The following KIF2A variants were observed in gnomAD, a reference collection of about 807,000 sequenced individuals.
The protein encoded by KIF2A is kinesin family member 2A.
A neutral mutation model predicts 100.2 loss-of-function variants in KIF2A; 22 were observed. That is an observed-to-expected ratio of 0.22 (90% CI 0.16 to 0.31). The LOEUF (loss-of-function observed/expected upper bound fraction) is 0.31, where lower values mean the gene tolerates loss of function less well. Among genes scored for constraint, KIF2A ranks in the 10% least tolerant of loss-of-function variants. The pLI, the probability that KIF2A is intolerant of heterozygous loss-of-function variation, is 1.00. For missense variants in KIF2A, 495 were observed against 898.7 expected (o/e 0.55, Z 5.74); for synonymous variants, 268 against 285.9 (o/e 0.94, Z 0.63).
chr5:62,348,095 T>G lies in KIF2A; in HGVS notation c.207T>G (p.Asp69Glu). The G allele has an allele frequency of 1.2e-6, 2 of 1,613,776 alleles. No homozygotes were observed. The highest frequency in any genetic ancestry group is 1.7e-6 in the Non-Finnish European group (2 of 1,179,724). The change falls in exon 3 of 21, where the codon GAT (aspartate) becomes GAG (glutamate). Residue 69 changes from aspartate to glutamate, a missense_variant. This residue lies in a region of KIF2A where 115 missense variants were observed against 143.6 expected (regional missense o/e 0.80). Coordinates refer to ENST00000407818, the MANE Select transcript of KIF2A (RefSeq NM_001098511.3). ...IFSLNPDLVP[D>E]EEIEPSPETP... ...CACTTAACCCTGACCTTGTTCCTGA[T>G]GAAGAAATTGAACCCAGTCCAGAAA... is the stretch of plus-strand genomic sequence containing the variant.
In KIF2A at chr5:62,317,052, C is replaced by CT. The variant is rs757855450; in HGVS notation, c.64+10530dup. On this transcript the variant is annotated intron_variant, in intron 1 of 20. Transcript: ENST00000407818. ...TCACATATGTATGGCAACTTTAGCC[C>CT]TTTTTTTTTTTTTTGAATCAAAGTT... Among the ~76,000 whole-genome samples, 394 of 141,782 alleles carry CT rather than the reference C, an allele frequency of 2.8e-3. 1 individual carries two copies. The highest frequency in any genetic ancestry group is 0.011 in the Middle Eastern group (3 of 268). The allele number at this position is 141,782 out of a possible 152,430, so 93.0% of individuals were successfully genotyped here.
In KIF2A at chr5:62,319,720, TA is replaced by T. The variant is rs1746008900; in HGVS notation, c.64+13190del. ...TCTGTCTATTCAAGTTTTGACATTC[TA>T]AAAAATTGACTTGTGTTGTTCATCC... On this transcript the variant is annotated intron_variant, in intron 1 of 20. Transcript: ENST00000407818. Among the ~76,000 whole-genome samples, 6 of 152,326 alleles carry T rather than the reference TA, an allele frequency of 3.9e-5. No individual in the cohort carries two copies. The South Asian group carries it at 1.2e-3, about 32-fold the overall frequency.
At position 62,306,411 on chromosome 5, in the gene KIF2A, C is replaced by T; in HGVS notation, c.-62C>T. Reference sequence around the variant, plus strand: ...CCTCCCACACCTACCCCGCCCCCTCCCCGCCTTTTCCGCCCTCCGGTCCCC... The same window carrying T: ...CCTCCCACACCTACCCCGCCCCCTCTCCGCCTTTTCCGCCCTCCGGTCCCC... On this transcript the variant is annotated 5_prime_UTR_variant, in exon 1 of 21. Transcript: ENST00000407818. The T allele has an allele frequency of 8.1e-7, 1 of 1,227,244 alleles. No homozygotes were observed. The highest frequency in any genetic ancestry group is 1.2e-6 in the Non-Finnish European group (1 of 861,900). The allele number at this position is 1,227,244 out of a possible 1,614,324, so 76.0% of individuals were successfully genotyped here. A position where few individuals can be genotyped will look rare whatever the true frequency, so the allele number is the denominator to read the frequency against.
At chr5:62,368,996 G>A (rs879877370) in intron 16 of KIF2A, among the ~76,000 whole-genome samples, 3 of 152,146 alleles carry the variant, frequency 2.0e-5, no homozygotes, top group Admixed American at 2.0e-4. Context: ...ATGAGGAACA[G>A]CCTAGTGTAA....
intron 1 of KIF2A, chr5:62,311,789 A>G (rs1407019626): frequency 6.6e-6 from 1 of 152,174 alleles, no homozygotes; most frequent in Non-Finnish European, 1.5e-5. Context: ...CTAGGACGAT[A>G]ATGTTTCTGT....
chr5:62,333,527 G>A (rs1248299310), intron 1 of KIF2A, among the ~76,000 whole-genome samples: 1 of 152,200 alleles, frequency 6.6e-6, no homozygotes, highest in Non-Finnish European at 1.5e-5. Flanking sequence ...TCACGCTGCA[G>A]AAGCAGTGTC....
At chr5:62,370,746 G>GA in intron 16 of KIF2A, among the ~76,000 whole-genome samples, 1 of 152,312 alleles carries the variant, frequency 6.6e-6, no homozygotes, top group Middle Eastern at 3.4e-3. Context: ...TTGGGTAATG[G>GA]AAGAGGTTAG....
intron 1 of KIF2A, among the ~76,000 whole-genome samples, chr5:62,331,938 T>A (rs1746678115): frequency 6.6e-6 from 1 of 152,216 alleles, no homozygotes; most frequent in Non-Finnish European, 1.5e-5. Context: ...TTTTTAATAT[T>A]CTGACTTTTA....
rs546228026 is a variant in KIF2A at position 62,389,531 on chromosome 5, GAT to G, written c.*3965_*3966del. Among the ~76,000 whole-genome samples the G allele has an allele frequency of 8.1e-4, 114 of 141,222 alleles. No homozygotes were observed. Among genetic ancestry groups the G allele is most frequent in the African/African-American group, 2.9e-3 (107 of 37,274 alleles). The allele number at this position is 141,222 out of a possible 152,430, so 92.6% of individuals were successfully genotyped here. ...TGTTATTGTCTGACTAAATTTATAA[GAT>G]ATGTATTGGTTAAAACCATGCCATG... On this transcript the variant is annotated 3_prime_UTR_variant, in exon 21 of 21. Transcript: ENST00000407818.
At chr5:62,383,632 G>C (rs1741888428) in intron 20 of KIF2A, among the ~76,000 whole-genome samples, 1 of 152,124 alleles carries the variant, frequency 6.6e-6, no homozygotes, top group South Asian at 2.1e-4. Flanking sequence ...ATTTTGTAAA[G>C]TCAGCAGTGA....
At chr5:62,383,630 A>C (rs1377461835) in intron 20 of KIF2A, among the ~76,000 whole-genome samples, 1 of 152,154 alleles carries the variant, frequency 6.6e-6, no homozygotes, top group Non-Finnish European at 1.5e-5. Flanking sequence ...ATATTTTGTA[A>C]AGTCAGCAGT....
intron 1 of KIF2A, among the ~76,000 whole-genome samples, chr5:62,339,748 C>CA (rs1456592137): frequency 9.5e-5 from 13 of 137,192 alleles, no homozygotes; most frequent in East Asian, 8.7e-4. Flanking sequence ...AAATGAATTG[C>CA]AAAAAATAGT....
intron 1 of KIF2A, among the ~76,000 whole-genome samples, chr5:62,323,465 A>G (rs949870952): frequency 1.9e-4 from 28 of 150,648 alleles, no homozygotes; most frequent in Admixed American, 2.0e-4. Flanking sequence ...GGAGCTTGCA[A>G]TGAGCTGAGA....
intron 1 of KIF2A, among the ~76,000 whole-genome samples, chr5:62,310,273 C>T (rs536049797): frequency 5.3e-5 from 8 of 151,906 alleles, no homozygotes; most frequent in Non-Finnish European, 1.0e-4. Context: ...AGGCTGGTCT[C>T]GAACTCCTGG....
At chr5:62,361,138 C>T in intron 9 of KIF2A, 104 bp from the exon 10 acceptor site, 3 of 503,728 alleles carry the variant, frequency 6.0e-6, no homozygotes, top group Non-Finnish European at 1.0e-5. Flanking sequence ...TAGAATCTTG[C>T]TATTAAGTTT....
rs13161936 is a variant in KIF2A at position 62,387,667 on chromosome 5, T to A, written c.*2098T>A. 6.6e-6 allele frequency: 1 copy of A among 152,114 alleles called. No individual in the cohort carries two copies. Among genetic ancestry groups the A allele is most frequent in the Non-Finnish European group, 1.5e-5 (1 of 68,028 alleles). 9.4% of individuals were successfully genotyped at this position (152,114 alleles called of 1,614,324 possible). On this transcript the variant is annotated 3_prime_UTR_variant, in exon 21 of 21. Coordinates refer to ENST00000407818, the MANE Select transcript of KIF2A (RefSeq NM_001098511.3). ...AGGGAAATAACCTGAGAAAGCCGAGTTAAATCTTAAAATTTTTACTATAAG... is the reference window on the plus strand; with the variant it reads ...AGGGAAATAACCTGAGAAAGCCGAGATAAATCTTAAAATTTTTACTATAAG...
At chr5:62,357,633 G>A (rs889761575) in intron 7 of KIF2A, 58 bp from the exon 8 acceptor site, 16 of 827,658 alleles carry the variant, frequency 1.9e-5, no homozygotes, top group Admixed American at 5.3e-5. Flanking sequence ...CATAATTTAC[G>A]TTTTAGTGTT....
At chr5:62,366,679 A>C (rs1414156842) in intron 16 of KIF2A, among the ~76,000 whole-genome samples, 198 bp downstream of exon 16, 1 of 152,088 alleles carries the variant, frequency 6.6e-6, no homozygotes, top group Non-Finnish European at 1.5e-5. Context: ...AAAATACAAA[A>C]AATTAGCCAG....
chr5:62,373,477 A>G (rs1162969752), intron 17 of KIF2A, among the ~76,000 whole-genome samples: 3 of 152,128 alleles, frequency 2.0e-5, no homozygotes, highest in Non-Finnish European at 4.4e-5. Flanking sequence ...ATATAATATA[A>G]TATGAATTAT....
Sources: gnomAD v4.1 joint callset for allele counts (sites outside exome capture counted in the v4.1 genomes callset) on GRCh38, gnomAD v4.1.1 for gene constraint, gnomAD v4.1.1 regional missense constraint, MANE v1.5 for transcripts, NCBI Gene and HGNC (gene_info 2026-07-23, HGNC 2026-07-21) for gene names.